The following ATG4B variants were observed in gnomAD, a reference collection of about 807,000 sequenced individuals.
The protein encoded by ATG4B is autophagy related 4B cysteine peptidase, also known as cysteine protease ATG4B.
In ATG4B, 29 loss-of-function variants were observed where a neutral mutation model predicts 56.6. The observed-to-expected ratio is 0.51, with a 90% CI of 0.38 to 0.70. ATG4B has a LOEUF of 0.70. Ranked by LOEUF, ATG4B falls within the 30% of genes least tolerant of loss-of-function variation. The pLI is 0.00. For synonymous variants in ATG4B, 224 were observed against 206.1 expected (o/e 1.09, Z -0.74); for missense variants, 461 against 515.5 (o/e 0.89, Z 1.02).
In ATG4B at chr2:241,673,569, C is replaced by A; in HGVS notation, c.*1305C>A. On this transcript the variant is annotated 3_prime_UTR_variant, in exon 13 of 13. Transcript: ENST00000404914. Reference sequence around the variant, plus strand: ...GGTAGCAGAGGACACCCCCAGCCCCCCAAGCATTGAAGACATAGTGTATTT... The same window carrying A: ...GGTAGCAGAGGACACCCCCAGCCCCACAAGCATTGAAGACATAGTGTATTT... The A allele has an allele frequency of 4.4e-6, 2 of 452,688 alleles. No homozygotes were observed. The highest frequency in any genetic ancestry group is 3.1e-5 in the South Asian group (2 of 64,066). 28.0% of individuals were successfully genotyped at this position (452,688 alleles called of 1,614,324 possible).
chr2:241,653,455 T>C (rs2068282447), intron 3 of ATG4B, 57 bp from the exon 4 acceptor site: 1 of 1,551,984 alleles, frequency 6.4e-7, no homozygotes, highest in Non-Finnish European at 8.7e-7. Flanking sequence ...GCCAGTGGGC[T>C]TGTGGCCTGT....
At chr2:241,657,322 G>C (rs1375371197) in intron 6 of ATG4B, among the ~76,000 whole-genome samples, 27 of 123,898 alleles carry the variant, frequency 2.2e-4, no homozygotes, top group Non-Finnish European at 4.0e-4. Flanking sequence ...TTCCGAGACA[G>C]AGTCTAGCTC....
rs35613684 is a variant in ATG4B, at chr2:241,666,665, G to C, written c.559G>C (p.Val187Leu). Residue 187 changes from valine to leucine, a missense_variant, in exon 8 of 13, where the codon GTT becomes CTT. Coordinates refer to ENST00000404914, the MANE Select transcript of ATG4B (RefSeq NM_013325.5). The stretch of plus-strand genomic sequence containing the variant: ...TCTAGGAAGGTTGTGCAGGACCAGC[G>C]TTCCCTGTGCAGGCGCCACTGCGTT... ...EEIRRLCRTS[V>L]PCAGATAFPA... 3.1e-6 allele frequency: 5 copies of C among 1,613,490 alleles called. No homozygotes were observed. Among genetic ancestry groups the C allele is most frequent in the Non-Finnish European group, 4.2e-6 (5 of 1,179,780 alleles).
intron 3 of ATG4B, among the ~76,000 whole-genome samples, chr2:241,652,222 G>T (rs1414371511): frequency 6.6e-6 from 1 of 152,250 alleles, no homozygotes; most frequent in Non-Finnish European, 1.5e-5. Flanking sequence ...GACATACCTT[G>T]TCAGATGTGC....
At chr2:241,667,961 G>A (rs2068831234) in intron 8 of ATG4B, 182 bp from the exon 9 acceptor site, 1 of 586,472 alleles carries the variant, frequency 1.7e-6, no homozygotes, top group African/African-American at 1.9e-5. Flanking sequence ...TGGGTTTCTT[G>A]TGCCTGTGGG....
At chr2:241,647,555 G>A (rs2068099098) in intron 1 of ATG4B, among the ~76,000 whole-genome samples, 2 of 149,118 alleles carry the variant, frequency 1.3e-5, no homozygotes, top group Non-Finnish European at 3.0e-5. Context: ...GGGAGGCAGA[G>A]CTTGCAGTGA....
At chr2:241,644,409 T>G (rs939380570) in intron 1 of ATG4B, among the ~76,000 whole-genome samples, 5 of 152,168 alleles carry the variant, frequency 3.3e-5, no homozygotes, top group Non-Finnish European at 7.3e-5. Flanking sequence ...TGTTAGTGAT[T>G]GTGAGCGTTA....
At chr2:241,646,741 G>A (rs1269118199) in intron 1 of ATG4B, among the ~76,000 whole-genome samples, 2 of 151,484 alleles carry the variant, frequency 1.3e-5, no homozygotes, top group African/African-American at 4.9e-5. Flanking sequence ...AGGCAGGCTA[G>A]GCTAAGCTAT....
In ATG4B at chr2:241,668,231, G is replaced by C; in HGVS notation, c.811+10G>C. ...TTCATCGGCTACGTTGGTGAGTCCA[G>C]GGTTCCCACCGTGTCCCTGTGGGCC... On this transcript the variant is annotated intron_variant, in intron 9 of 12. Transcript: ENST00000404914. The surrounding 1 kb of genome is among the most constrained non-coding windows in gnomAD (Gnocchi z 4.2). The C allele has an allele frequency of 6.3e-7, 1 of 1,593,180 alleles. No individual in the cohort carries two copies. Among genetic ancestry groups the C allele is most frequent in the African/African-American group, 1.3e-5 (1 of 74,446 alleles).
At chr2:241,671,866 C>T in intron 12 of ATG4B, 2 of 1,298,124 alleles carry the variant, frequency 1.5e-6, no homozygotes, top group Non-Finnish European at 2.0e-6. Flanking sequence ...CTCTGTCTCC[C>T]TGTGGGAAAC....
intron 7 of ATG4B, chr2:241,659,410 C>T (rs775226543): frequency 1.8e-5 from 11 of 626,300 alleles, no homozygotes; most frequent in Admixed American, 8.7e-5. Flanking sequence ...CTGGAGGCCG[C>T]GACTTGGTAT....
intron 6 of ATG4B, among the ~76,000 whole-genome samples, chr2:241,657,506 T>C (rs1463924398): frequency 2.6e-5 from 4 of 151,420 alleles, no homozygotes; most frequent in Admixed American, 1.3e-4. Flanking sequence ...GGTTTCACCA[T>C]GTTAGCCAGG....
chr2:241,651,035 G>T lies in ATG4B; in HGVS notation c.36G>T (p.Arg12=), dbSNP rs1458496851. 1.9e-6 allele frequency: 3 copies of T among 1,613,736 alleles called. No homozygotes were observed. The highest frequency in any genetic ancestry group is 2.5e-6 in the Non-Finnish European group (3 of 1,179,850). Residue 12 remains arginine (R), a synonymous_variant, in exon 2 of 13, where the codon CGG becomes CGT. Transcript: ENST00000404914. The surrounding 1 kb of genome is among the most constrained non-coding windows in gnomAD (Gnocchi z 4.1). ...DAATLTYDTL[R]FAEFEDFPET... is the part of the protein sequence containing the mutation. ...CTACTCTGACCTACGACACTCTCCG[G>T]TTTGCTGAGTTTGAAGATTTTCCTG... is the stretch of plus-strand genomic sequence containing the variant.
In ATG4B at chr2:241,659,153, T is replaced by C. The variant is rs1304695760; in HGVS notation, c.504T>C (p.Ile168=). 1 of 1,613,718 alleles carries C rather than the reference T, an allele frequency of 6.2e-7. No individual in the cohort carries two copies. Among genetic ancestry groups the C allele is most frequent in the Admixed American group, 1.7e-5 (1 of 60,008 alleles). The change falls in exon 7 of 13, where the codon ATT becomes ATC. Residue 168 remains isoleucine, a synonymous_variant. Coordinates refer to ENST00000404914, the MANE Select transcript of ATG4B (RefSeq NM_013325.5). ...FDTWSSLAVH[I]AMDNTVVMEE... ...CGTGGAGCTCCTTGGCGGTCCACAT[T>C]GCAATGGACAACACTGTTGTGATGG...
At chr2:241,670,401 C>T (rs2068925894) in intron 10 of ATG4B, among the ~76,000 whole-genome samples, 1 of 152,114 alleles carries the variant, frequency 6.6e-6, no homozygotes, top group Admixed American at 6.5e-5. Context: ...GAAGAGCTCC[C>T]CACTTGGCCC....
chr2:241,672,110 C>G, intron 12 of ATG4B, 81 bp from the exon 13 acceptor site: 1 of 1,534,788 alleles, frequency 6.5e-7, no homozygotes. Context: ...ACTGCTCAGT[C>G]TGCCCCACGC....
rs377672230 is a variant in ATG4B, at chr2:241,642,039, A to G, written c.10+4315A>G. On this transcript the variant is annotated intron_variant, in intron 1 of 12. Transcript: ENST00000404914. ...TCTGGCATGTGGTTGGTAATAAAAA[A>G]AAAACAGAACTTGAATTAATAATAA... Among the ~76,000 whole-genome samples the G allele has an allele frequency of 1.9e-3, 285 of 152,136 alleles. 2 individuals carry two copies. The highest frequency in any genetic ancestry group is 6.6e-3 in the African/African-American group (272 of 41,514).
At chr2:241,671,686 C>G (rs1027028683) in intron 12 of ATG4B, 14 of 1,375,846 alleles carry the variant, frequency 1.0e-5, no homozygotes, top group Non-Finnish European at 1.3e-5. Flanking sequence ...GGGTCTGGAG[C>G]AGACAGAACA....
intron 1 of ATG4B, among the ~76,000 whole-genome samples, chr2:241,639,847 G>A (rs1468210378): frequency 1.3e-5 from 2 of 152,238 alleles, no homozygotes; most frequent in Non-Finnish European, 2.9e-5. Context: ...ATGTAAAATA[G>A]GTGAAGGGTG....
Sources: gnomAD v4.1 joint callset for allele counts (sites outside exome capture counted in the v4.1 genomes callset) on GRCh38, gnomAD v4.1.1 for gene constraint, Gnocchi (gnomAD v3.1) non-coding constraint, MANE v1.5 for transcripts, NCBI Gene and HGNC (gene_info 2026-07-23, HGNC 2026-07-21) for gene names.